Variants in NUMA1 observed in about 807,000 individuals in gnomAD.
NUMA1 encodes the protein nuclear mitotic apparatus protein 1.
NUMA1 carries 62 observed loss-of-function variants against 237.1 expected under a neutral mutation model. The observed-to-expected ratio is 0.26, with a 90% CI of 0.21 to 0.32. The LOEUF is 0.32. NUMA1 is among the 10% of genes least tolerant of loss of function. NUMA1 has a pLI of 1.00. For missense variants in NUMA1, 2,533 were observed against 2,666.5 expected (o/e 0.95, Z 1.10); for synonymous variants, 1,028 against 1,066.1 (o/e 0.96, Z 0.70).
intron 8 of NUMA1, 131 bp downstream of exon 8, chr11:72,021,073 C>T (rs1337083952): frequency 1.4e-6 from 1 of 727,030 alleles, no homozygotes; most frequent in South Asian, 1.7e-5. Flanking sequence ...CCATTACACA[C>T]ACTTTTCCTG....
chr11:72,030,842 GCTC>G (rs1392692346), intron 3 of NUMA1, among the ~76,000 whole-genome samples: 1 of 152,138 alleles, frequency 6.6e-6, no homozygotes. Flanking sequence ...TTTGGGCCCA[GCTC>G]CTCCACAAAC....
chr11:72,070,419 T>G (rs1943393275), intron 1 of NUMA1, among the ~76,000 whole-genome samples: 1 of 152,232 alleles, frequency 6.6e-6, no homozygotes, highest in Non-Finnish European at 1.5e-5. Flanking sequence ...TTCCCACTTC[T>G]CTCTGCGTGA....
chr11:72,003,353 C>T lies in NUMA1; in HGVS notation c.*174G>A, dbSNP rs964559152. On this transcript the variant is annotated 3_prime_UTR_variant, in exon 27 of 27. Coordinates refer to ENST00000393695, the MANE Select transcript of NUMA1 (RefSeq NM_006185.4). ...GCCCCCTGGGCCAGCTCCGAGAAGG[C>T]GCCAGTGAAGGACCAGGGACCAGGC... 31 of 665,744 alleles carry T rather than the reference C, an allele frequency of 4.7e-5. No individual in the cohort carries two copies. Among genetic ancestry groups the T allele is most frequent in the Non-Finnish European group, 4.6e-5 (17 of 368,356 alleles). 41.2% of individuals were successfully genotyped at this position (665,744 alleles called of 1,614,324 possible).
At chr11:72,079,927 C>T (rs1391221981) in intron 1 of NUMA1, among the ~76,000 whole-genome samples, 4 of 152,084 alleles carry the variant, frequency 2.6e-5, no homozygotes, top group Non-Finnish European at 5.9e-5. Flanking sequence ...TTATGCCCAA[C>T]CCATAAACCC....
intron 23 of NUMA1, 123 bp from the exon 24 acceptor site, chr11:72,004,939 G>A: frequency 9.7e-7 from 1 of 1,027,958 alleles, no homozygotes; most frequent in Non-Finnish European, 1.4e-6. Flanking sequence ...TGCCTCACGA[G>A]GTAGAAAGAC....
At chr11:72,004,467 CTG>C in intron 24 of NUMA1, 126 bp from the exon 25 acceptor site, 1 of 1,217,642 alleles carries the variant, frequency 8.2e-7, no homozygotes, top group East Asian at 2.3e-5. Context: ...CTTCCCAACT[CTG>C]GGCCAGATCC....
At chr11:72,003,747 T>G (rs1354678872) in intron 26 of NUMA1, 140 bp downstream of exon 26, 20 of 1,027,166 alleles carry the variant, frequency 1.9e-5, no homozygotes, top group Non-Finnish European at 2.9e-5. Flanking sequence ...GGAGAGGAGC[T>G]ACCAGGACAG....
intron 2 of NUMA1, among the ~76,000 whole-genome samples, chr11:72,046,266 C>T (rs558198482): frequency 3.9e-5 from 6 of 152,168 alleles, no homozygotes; most frequent in Admixed American, 2.6e-4. Flanking sequence ...AGAGAAGGGC[C>T]GGGCACGGTG....
intron 2 of NUMA1, among the ~76,000 whole-genome samples, chr11:72,059,604 T>C (rs1056209106): frequency 1.3e-5 from 2 of 152,196 alleles, no homozygotes; most frequent in African/African-American, 2.4e-5. Context: ...AAAAATCCTA[T>C]GTAAGAATGT....
intron 3 of NUMA1, among the ~76,000 whole-genome samples, chr11:72,034,975 G>C (rs1169390844): frequency 6.6e-6 from 1 of 152,134 alleles, no homozygotes; most frequent in Non-Finnish European, 1.5e-5. Context: ...TCCCACCTTA[G>C]CCTGCCAAGT....
chr11:72,030,918 G>C (rs1435935229), intron 3 of NUMA1, among the ~76,000 whole-genome samples: 3 of 152,162 alleles, frequency 2.0e-5, no homozygotes, highest in Non-Finnish European at 4.4e-5. Context: ...CTTGCCAAAT[G>C]GATGGAATCC....
rs1227667122 is a variant in NUMA1, at chr11:72,014,326, C to T, written c.3177G>A (p.Lys1059=). 6.2e-7 allele frequency: 1 copy of T among 1,613,728 alleles called. No homozygotes were observed. The highest frequency in any genetic ancestry group is 1.3e-5 in the African/African-American group (1 of 74,944). The change falls in exon 15 of 27, where the codon AAG becomes AAA. Residue 1059 remains lysine (K), a synonymous_variant. Transcript: ENST00000393695. The surrounding 1 kb of genome is among the most constrained non-coding windows in gnomAD (Gnocchi z 4.6). ...TGGCCAACTCCTGGTCCTTGCCTTC[C>T]TTTTCCGTCAGGGCATGAGCCAGTG... ...QEALAHALTE[K]EGKDQELAKL...
chr11:72,043,021 C>CTGAGG (rs1403228154), intron 2 of NUMA1, among the ~76,000 whole-genome samples: 2 of 151,992 alleles, frequency 1.3e-5, no homozygotes, highest in Non-Finnish European at 2.9e-5. Context: ...ACTTGGGAGG[C>CTGAGG]TGAGGTGGGA....
intron 3 of NUMA1, among the ~76,000 whole-genome samples, chr11:72,032,614 T>C (rs989218092): frequency 1.3e-5 from 2 of 152,240 alleles, no homozygotes; most frequent in Non-Finnish European, 2.9e-5. Context: ...CTGTGAGTTA[T>C]TTTTGCTCTC....
chr11:72,066,685 T>G (rs1167505287), intron 2 of NUMA1: 2 of 152,266 alleles, frequency 1.3e-5, no homozygotes, highest in African/African-American at 4.8e-5. Flanking sequence ...GAACAATTGT[T>G]CTTTCCTCTA....
chr11:72,005,224 A>C lies in NUMA1; in HGVS notation c.5829+9T>G. Reference sequence around the variant, plus strand: ...ATGGGAGGCCCTGCACAGTGACCCCAGGCCTCACCCTGGACTCCAGGGGAT... The same window carrying C: ...ATGGGAGGCCCTGCACAGTGACCCCCGGCCTCACCCTGGACTCCAGGGGAT... On this transcript the variant is annotated intron_variant, in intron 23 of 26. Transcript: ENST00000393695. 6.3e-7 allele frequency: 1 copy of C among 1,589,628 alleles called. No homozygotes were observed. The highest frequency in any genetic ancestry group is 2.3e-5 in the East Asian group (1 of 43,018).
Position 72,003,407 on chromosome 11 carries a change from A to T in NUMA1, c.*120T>A. On this transcript the variant is annotated 3_prime_UTR_variant, in exon 27 of 27. Coordinates refer to ENST00000393695, the MANE Select transcript of NUMA1 (RefSeq NM_006185.4). ...GGTGCGGGCAGGCATCACTGTCTCT[A>T]GGGGTTTGGCTACTGTTGGCCTGGG... is the stretch of plus-strand genomic sequence containing the variant. The T allele has an allele frequency of 1.0e-6, 1 of 974,654 alleles. No individual in the cohort carries two copies. The highest frequency in any genetic ancestry group is 1.7e-6 in the Non-Finnish European group (1 of 601,546). The allele number at this position is 974,654 out of a possible 1,614,324, so 60.4% of individuals were successfully genotyped here.
Position 72,006,146 on chromosome 11 carries a change from C to A in NUMA1, c.5581G>T (p.Gly1861Cys), listed in dbSNP as rs759887060. ...GCTGAGTTGCCATAATCGGGAGAAC[C>A]CAGGCGAGCTAGAGACTGAGTAGAG... ...TSSTQSLARL[G>C]SPDYGNSALL... The change falls in exon 22 of 27, where the codon GGT (glycine) becomes TGT (cysteine). Residue 1861 changes from glycine to cysteine, a missense_variant. Physicochemically the swap from Gly to Cys is radical, Grantham distance 159. Transcript: ENST00000393695. 9.3e-6 allele frequency: 15 copies of A among 1,614,160 alleles called. No individual in the cohort carries two copies. In the South Asian group the frequency reaches 1.6e-4, roughly 18 times the overall value.
chr11:72,043,076 G>C (rs1002951645), intron 2 of NUMA1, among the ~76,000 whole-genome samples: 5 of 152,152 alleles, frequency 3.3e-5, no homozygotes, highest in Admixed American at 1.3e-4. Flanking sequence ...AGACATTGTG[G>C]AGACAGGGTA....
Sources: gnomAD v4.1 joint callset for allele counts (sites outside exome capture counted in the v4.1 genomes callset) on GRCh38, gnomAD v4.1.1 for gene constraint, Gnocchi (gnomAD v3.1) non-coding constraint, MANE v1.5 for transcripts, NCBI Gene and HGNC (gene_info 2026-07-23, HGNC 2026-07-21) for gene names.